Variants in DCDC1 observed in about 807,000 individuals in gnomAD.
DCDC1 encodes doublecortin domain-containing protein 1.
Under a neutral mutation model 178.3 loss-of-function variants are expected in DCDC1, and 200 were observed. The ratio of observed to expected loss-of-function variants is 1.12; its 90% CI spans 1.00 to 1.26. The LOEUF is 1.26. Ranked by LOEUF, DCDC1 falls within the 50% of genes most tolerant of loss-of-function variation. The pLI is 0.00. For missense variants in DCDC1, 1,983 were observed against 1,749.2 expected, an observed-to-expected ratio of 1.13 and a Z score of -2.38; for synonymous variants, 690 against 604.8, an observed-to-expected ratio of 1.14 and a Z score of -2.07.
intron 9 of DCDC1, among the ~76,000 whole-genome samples, chr11:31,195,209 G>A (rs545368302): frequency 6.6e-6 from 1 of 152,196 alleles, no homozygotes; most frequent in East Asian, 1.9e-4. Context: ...ATATAGCGAA[G>A]AGTGGACTTC....
chr11:30,922,733 T>C, intron 23 of DCDC1, 95 bp from the exon 24 acceptor site: 1 of 1,241,902 alleles, frequency 8.1e-7, no homozygotes, highest in Non-Finnish European at 1.1e-6. Context: ...AATCAAAATG[T>C]CCTATTAATA....
At chr11:31,183,461 C>T (rs1287649869) in intron 9 of DCDC1, among the ~76,000 whole-genome samples, 2 of 152,172 alleles carry the variant, frequency 1.3e-5, no homozygotes, top group African/African-American at 2.4e-5. Context: ...TGCACAACTA[C>T]ATGGAAACTG....
At chr11:31,065,542 GAAGAT>G (rs1031068976) in intron 18 of DCDC1, among the ~76,000 whole-genome samples, 2 of 152,098 alleles carry the variant, frequency 1.3e-5, no homozygotes, top group Non-Finnish European at 1.5e-5. Context: ...TTCTGCTCTA[GAAGAT>G]AAGAAAACAA....
intron 20 of DCDC1, among the ~76,000 whole-genome samples, chr11:31,045,173 T>C (rs1361024228): frequency 1.3e-5 from 2 of 152,134 alleles, no homozygotes; most frequent in African/African-American, 4.8e-5. Context: ...AAAGGAGCAT[T>C]CCAATCTCAC....
intron 17 of DCDC1, among the ~76,000 whole-genome samples, chr11:31,078,142 T>C (rs1303351089): frequency 6.6e-6 from 1 of 152,218 alleles, no homozygotes; most frequent in African/African-American, 2.4e-5. Flanking sequence ...GCGGGGTAAG[T>C]ATGTGCATAT....
At chr11:31,247,237 T>C (rs987782145) in intron 8 of DCDC1, among the ~76,000 whole-genome samples, 5 of 151,994 alleles carry the variant, frequency 3.3e-5, no homozygotes, top group African/African-American at 1.2e-4. Context: ...TATGAAATCT[T>C]AGAAAGTCCT....
intron 20 of DCDC1, among the ~76,000 whole-genome samples, chr11:30,991,174 A>G (rs1253654791): frequency 1.3e-5 from 2 of 152,050 alleles, no homozygotes; most frequent in African/African-American, 4.8e-5. Context: ...AGAACCCAAG[A>G]CCTCAAGAGC....
At chr11:31,226,851 C>T (rs565673918) in intron 9 of DCDC1, among the ~76,000 whole-genome samples, 1 of 151,892 alleles carries the variant, frequency 6.6e-6, no homozygotes, top group African/African-American at 2.4e-5. Context: ...AAGAAAAAGA[C>T]ATTTTTTCTC....
In DCDC1 at chr11:30,931,918, G is replaced by A. The variant is rs576391732; in HGVS notation, c.2750C>T (p.Pro917Leu). Reference protein sequence around the residue: ...FDWPIQGLLVPSSPPMKKPIC... With the variant: ...FDWPIQGLLVLSSPPMKKPIC... Reference sequence around the variant, plus strand: ...GGGTTTCTTCATGGGAGGACTGCTCGGAACAAGCAGTCCTTGTATTGGCCA... The same window carrying A: ...GGGTTTCTTCATGGGAGGACTGCTCAGAACAAGCAGTCCTTGTATTGGCCA... The change falls in exon 22 of 39, where the codon CCG (proline) becomes CTG (leucine). Residue 917 changes from proline to leucine, a missense_variant. Coordinates refer to ENST00000684477, the MANE Select transcript of DCDC1 (RefSeq NM_001387274.1). The A allele has an allele frequency of 7.0e-5, 113 of 1,612,086 alleles. No homozygotes were observed. The East Asian group carries it at 1.9e-3, about 27-fold the overall frequency.
At chr11:31,304,261 T>A (rs990457780) in intron 6 of DCDC1, among the ~76,000 whole-genome samples, 1 of 152,190 alleles carries the variant, frequency 6.6e-6, no homozygotes, top group Non-Finnish European at 1.5e-5. Flanking sequence ...ATTATTCATA[T>A]GAAAGGCAAG....
At chr11:31,284,658 A>T (rs544193029) in intron 7 of DCDC1, among the ~76,000 whole-genome samples, 11 of 150,404 alleles carry the variant, frequency 7.3e-5, no homozygotes, top group East Asian at 1.9e-4. Flanking sequence ...TTTTTTTTTT[A>T]AATGGAGTCT....
At chr11:31,266,881 T>C (rs572947527) in intron 7 of DCDC1, among the ~76,000 whole-genome samples, 1 of 152,358 alleles carries the variant, frequency 6.6e-6, no homozygotes, top group South Asian at 2.1e-4. Flanking sequence ...CTGATTTGGT[T>C]TATATAGTTG....
intron 27 of DCDC1, 72 bp downstream of exon 27, chr11:30,915,439 T>C: frequency 6.6e-7 from 1 of 1,523,476 alleles, no homozygotes; most frequent in East Asian, 2.3e-5. Flanking sequence ...TCTTGTTCTG[T>C]GGGGACCATG....
intron 15 of DCDC1, among the ~76,000 whole-genome samples, chr11:31,097,636 T>C (rs909853674): frequency 2.0e-5 from 3 of 152,278 alleles, no homozygotes; most frequent in African/African-American, 7.2e-5. Flanking sequence ...AAGGCAAAAT[T>C]ATGCAGTCAA....
At chr11:31,102,078 GAA>G (rs878873961) in intron 15 of DCDC1, 97 bp downstream of exon 15, 690 of 382,172 alleles carry the variant, frequency 1.8e-3, no homozygotes, top group Middle Eastern at 2.7e-3. Context: ...CTCCATCTCA[GAA>G]AAAAAAAAAA....
intron 7 of DCDC1, among the ~76,000 whole-genome samples, chr11:31,272,110 C>T (rs1158363264): frequency 1.3e-5 from 2 of 151,242 alleles, no homozygotes; most frequent in South Asian, 2.1e-4. Flanking sequence ...TGCAGTGAGC[C>T]GAGATCGTGC....
At chr11:30,907,958 T>C (rs1945185425) in intron 29 of DCDC1, among the ~76,000 whole-genome samples, 2 of 152,220 alleles carry the variant, frequency 1.3e-5, no homozygotes, top group Admixed American at 1.3e-4. Context: ...AAATATTGAA[T>C]TGATGAGCTA....
intron 1 of DCDC1, among the ~76,000 whole-genome samples, chr11:31,367,111 C>A (rs995376004): frequency 6.6e-6 from 1 of 152,164 alleles, no homozygotes; most frequent in Non-Finnish European, 1.5e-5. Flanking sequence ...GCCTGGCCAA[C>A]ATGGTGAAAC....
At chr11:31,159,315 C>A (rs1966073286) in intron 9 of DCDC1, among the ~76,000 whole-genome samples, 1 of 152,124 alleles carries the variant, frequency 6.6e-6, no homozygotes, top group African/African-American at 2.4e-5. Flanking sequence ...TCCTCTAATC[C>A]ATGTAGGGAC....
Sources: allele counts gnomAD v4.1 joint callset (sites outside exome capture counted in the v4.1 genomes callset), GRCh38; gene constraint gnomAD v4.1.1; transcripts MANE v1.5; gene names NCBI Gene and HGNC (gene_info 2026-07-23, HGNC 2026-07-21).